The following SF3B3 variants were observed in gnomAD, a reference collection of about 807,000 sequenced individuals.
SF3B3 encodes SAP 130.
SF3B3 carries 33 observed loss-of-function variants against 139.2 expected under a neutral mutation model. That is an observed-to-expected ratio of 0.24 (90% CI 0.18 to 0.32). SF3B3 has a LOEUF of 0.32. SF3B3 is among the 10% of genes least tolerant of loss of function. The pLI, the probability that SF3B3 is intolerant of heterozygous loss-of-function variation, is 1.00. For missense variants in SF3B3, 818 were observed against 1,509.4 expected (o/e 0.54, Z 7.59); for synonymous variants, 596 against 563.6 (o/e 1.06, Z -0.81).
chr16:70,543,714 A>T (rs2050241609), intron 9 of SF3B3, among the ~76,000 whole-genome samples: 1 of 152,200 alleles, frequency 6.6e-6, no homozygotes, highest in East Asian at 1.9e-4. Context: ...TCTTAAAAAA[A>T]AATAAAATAA....
At chr16:70,564,177 C>A in intron 18 of SF3B3, 127 bp downstream of exon 18, 1 of 906,666 alleles carries the variant, frequency 1.1e-6, no homozygotes, top group Non-Finnish European at 1.6e-6. Flanking sequence ...TCGAGACCAG[C>A]CTGGGCAACA....
chr16:70,570,332 G>GTTTT lies in SF3B3; in HGVS notation c.3408+183_3408+184insTTTT, dbSNP rs1290801731. Among the ~76,000 whole-genome samples the GTTTT allele has an allele frequency of 2.7e-3, 287 of 106,876 alleles. 1 individual carries two copies. Among genetic ancestry groups the GTTTT allele is most frequent in the Non-Finnish European group, 4.7e-3 (236 of 50,342 alleles). The allele number at this position is 106,876 out of a possible 152,430, so 70.1% of individuals were successfully genotyped here. A position where few individuals can be genotyped will look rare whatever the true frequency, so the allele number is the denominator to read the frequency against. The stretch of plus-strand genomic sequence containing the variant: ...CTCCCGCACCCAGGGAAGGCCATTT[G>GTTTT]GTTTTTTTTTTTTTTTTTGCGACGG... On this transcript the variant is annotated intron_variant, in intron 24 of 25. Coordinates refer to ENST00000302516, the MANE Select transcript of SF3B3 (RefSeq NM_012426.5).
At chr16:70,525,660 C>T (rs1275955430) in intron 1 of SF3B3, among the ~76,000 whole-genome samples, 1 of 151,966 alleles carries the variant, frequency 6.6e-6, no homozygotes, top group Non-Finnish European at 1.5e-5. Flanking sequence ...GGTCCTAGAA[C>T]GTTAAACATA....
intron 17 of SF3B3, 41 bp from the exon 18 acceptor site, chr16:70,563,835 C>A: frequency 6.3e-7 from 1 of 1,597,186 alleles, no homozygotes; most frequent in Non-Finnish European, 8.6e-7. Context: ...GTTTCTGGGT[C>A]CGAGTGAGTA....
chr16:70,530,976 A>T, intron 4 of SF3B3, 59 bp downstream of exon 4: 1 of 1,506,290 alleles, frequency 6.6e-7, no homozygotes, highest in East Asian at 2.3e-5. Context: ...TTTTTTTAAG[A>T]TTGTTTTCCG....
At position 70,571,953 on chromosome 16, in the gene SF3B3, C is replaced by A. The variant is rs1305594417; in HGVS notation, c.*140C>A. ...CATTATGAAAGTCAACAGCTCTTTC[C>A]CCTCAGCTCTTCTCCTGGAATGACT... On this transcript the variant is annotated 3_prime_UTR_variant, in exon 26 of 26. Coordinates refer to ENST00000302516, the MANE Select transcript of SF3B3 (RefSeq NM_012426.5). 40 of 1,015,216 alleles carry A rather than the reference C, an allele frequency of 3.9e-5. No homozygotes were observed. Among genetic ancestry groups the A allele is most frequent in the Non-Finnish European group, 5.5e-5 (38 of 687,692 alleles). The allele number at this position is 1,015,216 out of a possible 1,614,324, so 62.9% of individuals were successfully genotyped here. A position where few individuals can be genotyped will look rare whatever the true frequency, so the allele number is the denominator to read the frequency against.
intron 2 of SF3B3, 133 bp downstream of exon 2, chr16:70,526,859 G>C (rs1293491191): frequency 1.5e-6 from 1 of 660,748 alleles, no homozygotes; most frequent in Non-Finnish European, 2.6e-6. Context: ...CAAATTATGA[G>C]ATGAGGTGTT....
chr16:70,564,753 A>AT (rs1438548464), intron 18 of SF3B3, among the ~76,000 whole-genome samples: 2 of 152,246 alleles, frequency 1.3e-5, no homozygotes, highest in African/African-American at 4.8e-5. Flanking sequence ...GATGGGTTGG[A>AT]TAGAAAAGTG....
At chr16:70,546,590 G>T (rs992138539) in intron 10 of SF3B3, among the ~76,000 whole-genome samples, 1 of 152,118 alleles carries the variant, frequency 6.6e-6, no homozygotes, top group African/African-American at 2.4e-5. Flanking sequence ...GGTAGAGGTT[G>T]CAGTGAGCCG....
intron 5 of SF3B3, among the ~76,000 whole-genome samples, chr16:70,533,401 C>T (rs906722663): frequency 6.6e-6 from 1 of 152,096 alleles, no homozygotes; most frequent in Admixed American, 6.6e-5. Flanking sequence ...TACTGTGCCG[C>T]TCTCTGAGTC....
At chr16:70,556,624 A>C in intron 14 of SF3B3, 1 of 596,514 alleles carries the variant, frequency 1.7e-6, no homozygotes, top group Non-Finnish European at 2.9e-6. Context: ...GCAGGACCCT[A>C]GGTGACTTTT....
At chr16:70,553,571 C>A (rs1048175562) in intron 11 of SF3B3, among the ~76,000 whole-genome samples, 10 of 151,480 alleles carry the variant, frequency 6.6e-5, no homozygotes, top group African/African-American at 2.2e-4. Context: ...AATTAGCATG[C>A]CTTTAGTCAA....
At position 70,577,631 on chromosome 16, in the gene SF3B3, T is replaced by C. The variant is rs2050591871; in HGVS notation, c.*5818T>C. 2 of 152,240 alleles carry C rather than the reference T, an allele frequency of 1.3e-5. No individual in the cohort carries two copies. Among genetic ancestry groups the C allele is most frequent in the African/African-American group, 4.8e-5 (2 of 41,462 alleles). 9.4% of individuals were successfully genotyped at this position (152,240 alleles called of 1,614,324 possible). A position where few individuals can be genotyped will look rare whatever the true frequency, so the allele number is the denominator to read the frequency against. On this transcript the variant is annotated 3_prime_UTR_variant, in exon 26 of 26. Transcript: ENST00000302516. ...ATTTCATGAACAACTACTTGTGGCA[T>C]GCATTGGCACTCGGAATAAAGCGCA...
In SF3B3 at chr16:70,548,427, C is replaced by T. The variant is rs778558010; in HGVS notation, c.1387C>T (p.Arg463Cys). The T allele has an allele frequency of 1.2e-5, 19 of 1,613,802 alleles. No individual in the cohort carries two copies. In the South Asian group the frequency reaches 1.6e-4, roughly 14 times the overall value. The stretch of plus-strand genomic sequence containing the variant: ...TAACCCCAACGCTGTCTGGACAGTG[C>T]GTCGACACATTGAAGGTAAGCAGCT... ...PGNPNAVWTV[R>C]RHIEDEFDAY... The change falls in exon 11 of 26, where the codon CGT becomes TGT. Residue 463 changes from arginine to cysteine, a missense_variant. Physicochemically the swap from Arg to Cys is radical, Grantham distance 180. This residue lies in a region of SF3B3 where 31 missense variants were observed against 77.3 expected (regional missense o/e 0.40). Coordinates refer to ENST00000302516, the MANE Select transcript of SF3B3 (RefSeq NM_012426.5).
At chr16:70,529,783 T>A (rs2050103133) in intron 3 of SF3B3, among the ~76,000 whole-genome samples, 1 of 152,264 alleles carries the variant, frequency 6.6e-6, no homozygotes, top group Non-Finnish European at 1.5e-5. Context: ...ATTTATTTAT[T>A]TATTTTTAAG....
intron 9 of SF3B3, among the ~76,000 whole-genome samples, chr16:70,543,422 A>AAG (rs1210960686): frequency 4.0e-5 from 6 of 151,478 alleles, no homozygotes; most frequent in African/African-American, 1.5e-4. Context: ...AAAGAAAAAA[A>AAG]AAAGGCCGGT....
At position 70,564,068 on chromosome 16, in the gene SF3B3, C is replaced by T. The variant is rs372372794; in HGVS notation, c.2463+18C>T. The T allele has an allele frequency of 4.3e-6, 7 of 1,609,376 alleles. No homozygotes were observed. The highest frequency in any genetic ancestry group is 4.5e-5 in the East Asian group (2 of 44,824). ...TGGCAGAGGTAATGAGACTAACGTTCAGGGGTTCTATTAAAAGATGTGTGA... is the reference window on the plus strand; with the variant it reads ...TGGCAGAGGTAATGAGACTAACGTTTAGGGGTTCTATTAAAAGATGTGTGA... On this transcript the variant is annotated intron_variant, in intron 18 of 25. Transcript: ENST00000302516.
At chr16:70,546,484 T>C (rs1315288261) in intron 10 of SF3B3, among the ~76,000 whole-genome samples, 1 of 152,116 alleles carries the variant, frequency 6.6e-6, no homozygotes, top group Admixed American at 6.5e-5. Flanking sequence ...AAACCCCTTC[T>C]CTACTAAAAC....
chr16:70,538,119 T>G, intron 6 of SF3B3: 1 of 717,660 alleles, frequency 1.4e-6, no homozygotes, highest in South Asian at 1.4e-5. Flanking sequence ...TTGGGACTCT[T>G]TTGGTTACCC....
Sources: allele counts gnomAD v4.1 joint callset (sites outside exome capture counted in the v4.1 genomes callset), GRCh38; gene constraint gnomAD v4.1.1; regional missense constraint gnomAD v4.1.1; transcripts MANE v1.5; gene names NCBI Gene and HGNC (gene_info 2026-07-23, HGNC 2026-07-21).